Variants in MSN observed in about 807,000 individuals in gnomAD.
MSN encodes the protein epididymis luminal protein 70.
MSN carries 2 observed loss-of-function variants against 48.0 expected under a neutral mutation model. That is an observed-to-expected ratio of 0.04 (90% CI 0.02 to 0.13). MSN has a LOEUF of 0.13. Among genes scored for constraint, MSN ranks in the 10% least tolerant of loss-of-function variants. The pLI is 1.00. For missense variants in MSN, 267 were observed against 470.1 expected, an observed-to-expected ratio of 0.57 and a Z score of 3.99; for synonymous variants, 146 against 166.9, an observed-to-expected ratio of 0.87 and a Z score of 0.97.
At chrX:65,639,777 G>A (rs1299200787) in intron 1 of MSN, among the ~76,000 whole-genome samples, 2 of 111,984 alleles carry the variant, frequency 1.8e-5, no homozygotes, top group Non-Finnish European at 1.9e-5. Context: ...GGAGGGAGTA[G>A]AAATTTAAGA....
chrX:65,655,124 T>C (rs1049799405), intron 1 of MSN, among the ~76,000 whole-genome samples: 14 of 111,616 alleles, frequency 1.3e-4, no homozygotes, highest in African/African-American at 4.6e-4. Context: ...AATTGTTGAA[T>C]GAATGAATAA....
chrX:65,631,820 T>TGCTA (rs2070561274), intron 1 of MSN, among the ~76,000 whole-genome samples: 1 of 110,267 alleles, frequency 9.1e-6, no homozygotes, highest in Non-Finnish European at 1.9e-5. Flanking sequence ...GACAAGCATG[T>TGCTA]GCTACTACAC....
intron 1 of MSN, among the ~76,000 whole-genome samples, chrX:65,616,961 T>A (rs2070379167): frequency 1.8e-5 from 2 of 110,663 alleles, no homozygotes; most frequent in Admixed American, 1.9e-4. Context: ...TCTATTGAGA[T>A]AATCATGTGG....
intron 1 of MSN, among the ~76,000 whole-genome samples, chrX:65,598,346 AAAG>A (rs1375154428): frequency 9.1e-6 from 1 of 110,292 alleles, no homozygotes; most frequent in Non-Finnish European, 1.9e-5. Context: ...GAAGAAAAAG[AAAG>A]AAACACAGAG....
intron 1 of MSN, among the ~76,000 whole-genome samples, chrX:65,608,802 A>G (rs1460429193): frequency 9.0e-6 from 1 of 110,962 alleles, no homozygotes; most frequent in East Asian, 2.8e-4. Flanking sequence ...GAAAAAGGAT[A>G]AGCCCCACCC....
chrX:65,590,837 G>C (rs986004685), intron 1 of MSN, among the ~76,000 whole-genome samples: 5 of 111,333 alleles, frequency 4.5e-5, no homozygotes, highest in Non-Finnish European at 9.4e-5. Context: ...AGTAGCAGCA[G>C]AACAACGGTT....
At chrX:65,738,762 C>A in intron 11 of MSN, 145 bp downstream of exon 11, 1 of 626,892 alleles carries the variant, frequency 1.6e-6, no homozygotes, top group Non-Finnish European at 2.5e-6. Flanking sequence ...CTCATGGTTT[C>A]GTCAAATACT....
At chrX:65,735,223 C>T in intron 7 of MSN, 44 bp from the exon 8 acceptor site, 41 of 1,193,461 alleles carry the variant, frequency 3.4e-5, no homozygotes, top group Non-Finnish European at 4.6e-5. Flanking sequence ...AGATCACCTT[C>T]ACCTGTCCCT....
At chrX:65,674,780 G>A (rs780107921) in intron 1 of MSN, among the ~76,000 whole-genome samples, 1 of 111,446 alleles carries the variant, frequency 9.0e-6, no homozygotes, top group African/African-American at 3.3e-5. Context: ...GCCTGGGGCA[G>A]GAAGCTAAAA....
In MSN at chrX:65,650,824, C is replaced by T. The variant is rs144512053; in HGVS notation, c.-22+62212C>T. Among the ~76,000 whole-genome samples the T allele has an allele frequency of 8.0e-5, 9 of 112,028 alleles. No individual in the cohort carries two copies. In the East Asian group the frequency reaches 2.2e-3, roughly 28 times the overall value. Reference sequence around the variant, plus strand: ...CAGGGCTGAGTTCCTTCTGAAGGCTCTAGAGAAGAATAAATTTCCTTGTCT... The same window carrying T: ...CAGGGCTGAGTTCCTTCTGAAGGCTTTAGAGAAGAATAAATTTCCTTGTCT... On this transcript the variant is annotated intron_variant, in intron 1 of 3. Coordinates refer to the MSN transcript ENST00000609672.
chrX:65,728,000 A>T, intron 3 of MSN, 91 bp downstream of exon 3: 1 of 801,584 alleles, frequency 1.2e-6, no homozygotes, highest in Non-Finnish European at 1.8e-6. Flanking sequence ...CAAATCCTGG[A>T]TACCTAGGGC....
At chrX:65,732,639 G>A (rs2071634250) in intron 6 of MSN, among the ~76,000 whole-genome samples, 1 of 111,509 alleles carries the variant, frequency 9.0e-6, no homozygotes, top group South Asian at 3.8e-4. Flanking sequence ...ATAAATTATT[G>A]TTCCATATAA....
intron 1 of MSN, among the ~76,000 whole-genome samples, chrX:65,699,487 C>T (rs926057620): frequency 3.6e-5 from 4 of 111,939 alleles, no homozygotes; most frequent in Admixed American, 1.9e-4. Context: ...CGGTGGCTCA[C>T]GCCTGTAATC....
At chrX:65,704,771 GTT>G (rs367932812) in intron 1 of MSN, among the ~76,000 whole-genome samples, 4 of 97,472 alleles carry the variant, frequency 4.1e-5, no homozygotes, top group Non-Finnish European at 8.3e-5. Context: ...CAAAAGCCAG[GTT>G]TTTTTTTTTT....
chrX:65,642,333 T>C (rs2070662809), intron 1 of MSN, among the ~76,000 whole-genome samples: 1 of 104,532 alleles, frequency 9.6e-6, no homozygotes, highest in Admixed American at 1.0e-4. Context: ...TAAACCAGAA[T>C]GTAGAGTGTA....
At chrX:65,715,008 G>A (rs1396261269) in intron 1 of MSN, among the ~76,000 whole-genome samples, 1 of 111,916 alleles carries the variant, frequency 8.9e-6, no homozygotes, top group Non-Finnish European at 1.9e-5. Flanking sequence ...GTGAGATAAG[G>A]ATGGGGTCCA....
At chrX:65,633,600 G>C (rs551745138) in intron 1 of MSN, among the ~76,000 whole-genome samples, 1 of 111,608 alleles carries the variant, frequency 9.0e-6, no homozygotes, top group South Asian at 3.8e-4. Context: ...GTGAAATTCA[G>C]AAAACTTTGG....
intron 1 of MSN, chrX:65,624,567 GGGTTTTT>G (rs2070486203): frequency 1.0e-5 from 1 of 100,219 alleles, no homozygotes; most frequent in African/African-American, 4.1e-5. Context: ...TGTGTTTAGT[GGGTTTTT>G]TTTTTTTTTC....
intron 1 of MSN, among the ~76,000 whole-genome samples, chrX:65,615,728 T>A (rs1303059476): frequency 9.1e-6 from 1 of 109,822 alleles, no homozygotes; most frequent in Non-Finnish European, 1.9e-5. Flanking sequence ...CATTTGTCAA[T>A]TTTGTCTTTT....
Sources: gnomAD v4.1 joint callset for allele counts (sites outside exome capture counted in the v4.1 genomes callset) on GRCh38, gnomAD v4.1.1 for gene constraint, MANE v1.5 for transcripts, NCBI Gene and HGNC (gene_info 2026-07-23, HGNC 2026-07-21) for gene names.